SRBD1: variants seen among roughly 807,000 people sequenced by gnomAD.
The protein encoded by SRBD1 is S1 RNA-binding domain-containing protein 1.
Under a neutral mutation model 115.3 loss-of-function variants are expected in SRBD1, and 88 were observed. The ratio of observed to expected loss-of-function variants is 0.76; its 90% CI spans 0.64 to 0.91. The LOEUF (loss-of-function observed/expected upper bound fraction) is 0.91, where lower values mean the gene tolerates loss of function less well. Among genes scored for constraint, SRBD1 ranks in the 40% least tolerant of loss-of-function variants. The pLI, the probability that SRBD1 is intolerant of heterozygous loss-of-function variation, is 0.00. For synonymous variants in SRBD1, 509 were observed against 407.7 expected (o/e 1.25, Z -2.99); for missense variants, 1,385 against 1,177.4 (o/e 1.18, Z -2.58).
Position 45,573,276 on chromosome 2 carries a change from C to G in SRBD1, c.1236G>C (p.Glu412Asp). The change falls in exon 9 of 21, where the codon GAG becomes GAC. Residue 412 changes from glutamate (E) to aspartate (D), a missense_variant. Glu to Asp is a conservative substitution (Grantham distance 45). Coordinates refer to ENST00000263736, the MANE Select transcript of SRBD1 (RefSeq NM_018079.5). ...LAKVSSKKVN[E>D]KDVDKFLLYQ... The stretch of plus-strand genomic sequence containing the variant: ...AGAGCAGAAACTTATCAACATCTTT[C>G]TCATTTACCTTTTTTGAGGATACTT... 6.2e-7 allele frequency: 1 copy of G among 1,612,458 alleles called. No homozygotes were observed. The highest frequency in any genetic ancestry group is 8.5e-7 in the Non-Finnish European group (1 of 1,179,346).
At chr2:45,543,333 G>A (rs1229149065) in intron 14 of SRBD1, among the ~76,000 whole-genome samples, 1 of 152,326 alleles carries the variant, frequency 6.6e-6, no homozygotes, top group East Asian at 1.9e-4. Flanking sequence ...AGAAATGAAT[G>A]AGAGAAAAGA....
chr2:45,581,306 A>C (rs888102344), intron 6 of SRBD1, among the ~76,000 whole-genome samples: 40 of 152,152 alleles, frequency 2.6e-4, no homozygotes, highest in Admixed American at 7.2e-4. Flanking sequence ...TCCAGTGGTC[A>C]ATCCTGACCT....
chr2:45,550,928 T>C (rs546904350), intron 12 of SRBD1, among the ~76,000 whole-genome samples, 197 bp downstream of exon 12: 4 of 152,312 alleles, frequency 2.6e-5, no homozygotes, highest in African/African-American at 7.2e-5. Flanking sequence ...TAAATGATAG[T>C]TGTATATTGA....
At chr2:45,495,497 C>G (rs937886197) in intron 14 of SRBD1, among the ~76,000 whole-genome samples, 3 of 152,200 alleles carry the variant, frequency 2.0e-5, no homozygotes, top group African/African-American at 7.2e-5. Flanking sequence ...TTCCCTCTCT[C>G]CCCGCATTCT....
At chr2:45,509,598 AACAC>A (rs1179307941) in intron 14 of SRBD1, among the ~76,000 whole-genome samples, 4,090 of 125,476 alleles carry the variant, frequency 0.033, 107 homozygotes, top group East Asian at 0.12. Context: ...TCCGTCTCAA[AACAC>A]ACACACACAC....
intron 2 of SRBD1, among the ~76,000 whole-genome samples, chr2:45,604,829 A>G (rs1674215995): frequency 6.6e-6 from 1 of 152,178 alleles, no homozygotes; most frequent in Non-Finnish European, 1.5e-5. Flanking sequence ...TATAAATATT[A>G]CCAGTCATTT....
chr2:45,495,864 G>T (rs1380740720), intron 14 of SRBD1, among the ~76,000 whole-genome samples: 1 of 152,152 alleles, frequency 6.6e-6, no homozygotes, highest in Non-Finnish European at 1.5e-5. Context: ...AATTAAAATG[G>T]TCTTTGGTCA....
At chr2:45,574,207 T>G (rs754825285) in intron 8 of SRBD1, among the ~76,000 whole-genome samples, 13 of 152,172 alleles carry the variant, frequency 8.5e-5, no homozygotes, top group Non-Finnish European at 1.5e-4. Flanking sequence ...TATCTGATAT[T>G]ACACATTCTC....
chr2:45,605,570 AG>A (rs1674242945), intron 1 of SRBD1, 129 bp from the exon 2 acceptor site: 6 of 849,896 alleles, frequency 7.1e-6, no homozygotes, highest in Non-Finnish European at 1.1e-5. Flanking sequence ...TTTATTCACA[AG>A]CCCAAACATC....
rs1420435467 is a variant in SRBD1, at chr2:45,415,676, G to T, written c.2334-2383C>A. ...GGGGAGGGGAGGGGAGGGGAGGGGAGGGGAGGGGACGGGAGAGGAGAGGAG... is the reference window on the plus strand; with the variant it reads ...GGGGAGGGGAGGGGAGGGGAGGGGATGGGAGGGGACGGGAGAGGAGAGGAG... On this transcript the variant is annotated intron_variant, in intron 18 of 20. Transcript: ENST00000263736. Among the ~76,000 whole-genome samples the T allele has an allele frequency of 2.2e-3, 89 of 40,804 alleles. 10 individuals carry two copies. The highest frequency in any genetic ancestry group is 3.6e-3 in the Non-Finnish European group (73 of 20,224). The allele number at this position is 40,804 out of a possible 152,430, so 26.8% of individuals were successfully genotyped here.
intron 10 of SRBD1, among the ~76,000 whole-genome samples, chr2:45,554,622 G>C (rs1374160210): frequency 6.6e-6 from 1 of 152,164 alleles, no homozygotes; most frequent in Non-Finnish European, 1.5e-5. Context: ...GGAAAGAATA[G>C]AAGAGAAAAT....
At chr2:45,421,273 C>T (rs956167636) in intron 16 of SRBD1, among the ~76,000 whole-genome samples, 8 of 151,858 alleles carry the variant, frequency 5.3e-5, no homozygotes, top group African/African-American at 1.2e-4. Flanking sequence ...TTTGGGAGGC[C>T]GAGGTGGGCG....
chr2:45,419,455 G>C (rs928352584), intron 17 of SRBD1, among the ~76,000 whole-genome samples: 4 of 152,130 alleles, frequency 2.6e-5, no homozygotes, highest in African/African-American at 9.7e-5. Flanking sequence ...CATGCAAGAG[G>C]CTTAACTAGT....
At chr2:45,428,573 A>AATACATAC (rs1553329844) in intron 16 of SRBD1, among the ~76,000 whole-genome samples, 2 of 123,220 alleles carry the variant, frequency 1.6e-5, no homozygotes, top group East Asian at 2.0e-4. Context: ...TAAATAAATA[A>AATACATAC]ATAAATAAAT....
chr2:45,566,319 C>G (rs1672828630), intron 9 of SRBD1, among the ~76,000 whole-genome samples: 1 of 152,154 alleles, frequency 6.6e-6, no homozygotes. Context: ...TATTCACTGA[C>G]TGATGAATGG....
chr2:45,433,451 C>T (rs1036932564), intron 16 of SRBD1, among the ~76,000 whole-genome samples: 2 of 151,916 alleles, frequency 1.3e-5, no homozygotes, highest in African/African-American at 4.8e-5. Flanking sequence ...AAAAAAAAAG[C>T]TTTACAGGAA....
intron 6 of SRBD1, 45 bp from the exon 7 acceptor site, chr2:45,580,058 C>T (rs762106377): frequency 7.0e-7 from 1 of 1,427,572 alleles, no homozygotes; most frequent in East Asian, 2.5e-5. Context: ...TTTAAAAAAA[C>T]AAAAGTTAAA....
chr2:45,392,566 G>T (rs1667033054), intron 20 of SRBD1, among the ~76,000 whole-genome samples: 1 of 152,210 alleles, frequency 6.6e-6, no homozygotes, highest in South Asian at 2.1e-4. Context: ...AATTTAGGAA[G>T]AAGATTCACC....
At chr2:45,440,192 A>G (rs1486471769) in intron 16 of SRBD1, among the ~76,000 whole-genome samples, 2 of 152,186 alleles carry the variant, frequency 1.3e-5, no homozygotes, top group Non-Finnish European at 2.9e-5. Context: ...GTGATGATTA[A>G]AATTTAAACA....
Sources: allele counts gnomAD v4.1 joint callset (sites outside exome capture counted in the v4.1 genomes callset), GRCh38; gene constraint gnomAD v4.1.1; transcripts MANE v1.5; gene names NCBI Gene and HGNC (gene_info 2026-07-23, HGNC 2026-07-21).